The following SLIT2 variants were observed in gnomAD, a reference collection of about 807,000 sequenced individuals.
SLIT2 encodes slit guidance ligand 2, also known as slit homolog 2 protein.
SLIT2 carries 41 observed loss-of-function variants against 185.7 expected under a neutral mutation model. That is an observed-to-expected ratio of 0.22 (90% CI 0.17 to 0.29). The LOEUF is 0.29. Among genes scored for constraint, SLIT2 ranks in the 10% least tolerant of loss-of-function variants. The pLI, the probability that SLIT2 is intolerant of heterozygous loss-of-function variation, is 1.00. For synonymous variants in SLIT2, 693 were observed against 680.2 expected (o/e 1.02, Z -0.29); for missense variants, 1,571 against 1,909.0 (o/e 0.82, Z 3.30).
In SLIT2 at chr4:20,405,369, C is replaced by A. The variant is rs1039609402; in HGVS notation, c.396-62383C>A. On this transcript the variant is annotated intron_variant, in intron 4 of 36. Transcript: ENST00000504154. ...TTGTCTAATTGGATTTCTTAGAATT[C>A]TCAGAAAGTTTTGAAATCTAGGAAA... Among the ~76,000 whole-genome samples, 4 of 151,794 alleles carry A rather than the reference C, an allele frequency of 2.6e-5. No homozygotes were observed. In the East Asian group the frequency reaches 7.7e-4, roughly 29 times the overall value.
intron 4 of SLIT2, among the ~76,000 whole-genome samples, chr4:20,420,790 A>G (rs1315490500): frequency 6.6e-6 from 1 of 152,040 alleles, no homozygotes; most frequent in Non-Finnish European, 1.5e-5. Context: ...AGATGAGGTA[A>G]TGGGCCAGGG....
Position 20,415,284 on chromosome 4 carries a change from G to A in SLIT2, c.396-52468G>A, listed in dbSNP as rs192730663. 5.9e-3 allele frequency among the ~76,000 whole-genome samples: 890 copies of A among 151,942 alleles called. 5 individuals carry two copies. Among genetic ancestry groups the A allele is most frequent in the Non-Finnish European group, 8.9e-3 (607 of 67,914 alleles). ...AAATTAGCTGGGCGTGGTGGCGGGC[G>A]CCTGTAGTCCCAGCTACTCAGGAGG... On this transcript the variant is annotated intron_variant, in intron 4 of 36. Transcript: ENST00000504154.
At chr4:20,418,380 TG>T (rs1296841367) in intron 4 of SLIT2, among the ~76,000 whole-genome samples, 2 of 152,224 alleles carry the variant, frequency 1.3e-5, no homozygotes, top group African/African-American at 4.8e-5. Flanking sequence ...TGTCATTTTA[TG>T]AAGGTATCTA....
chr4:20,569,265 G>C (rs763162155), intron 29 of SLIT2: 8 of 401,798 alleles, frequency 2.0e-5, no homozygotes, highest in East Asian at 2.0e-4. Context: ...TTTTGCTAAA[G>C]CTTTTAGTCC....
At chr4:20,605,996 A>G (rs773769174) in intron 33 of SLIT2, among the ~76,000 whole-genome samples, 1 of 151,806 alleles carries the variant, frequency 6.6e-6, no homozygotes, top group Non-Finnish European at 1.5e-5. Context: ...CAATCCGCCC[A>G]TCTTGGCCTC....
intron 4 of SLIT2, among the ~76,000 whole-genome samples, chr4:20,357,306 T>C (rs979885926): frequency 6.6e-6 from 1 of 152,178 alleles, no homozygotes; most frequent in Non-Finnish European, 1.5e-5. Context: ...ACTTTTTTCC[T>C]TGGTTAAATT....
At chr4:20,404,874 A>G (rs1279885312) in intron 4 of SLIT2, among the ~76,000 whole-genome samples, 1 of 152,064 alleles carries the variant, frequency 6.6e-6, no homozygotes, top group Admixed American at 6.6e-5. Flanking sequence ...GTATGAGTCC[A>G]GATGACTAGA....
Position 20,283,120 on chromosome 4 carries a change from G to GCGCGCGCACA in SLIT2, c.395+14240_395+14241insGCGCGCACAC, listed in dbSNP as rs143964894. Reference sequence around the variant, plus strand: ...TGCCTGTGTGCCTGTGTGCGCGCGCGCACACACACACACACACACACACAA... The same window carrying GCGCGCGCACA: ...TGCCTGTGTGCCTGTGTGCGCGCGCGCGCGCGCACACACACACACACACACACACACACAA... On this transcript the variant is annotated intron_variant, in intron 4 of 36. Transcript: ENST00000504154. Among the ~76,000 whole-genome samples the GCGCGCGCACA allele has an allele frequency of 5.2e-3, 776 of 149,950 alleles. 4 individuals carry two copies. Among genetic ancestry groups the GCGCGCGCACA allele is most frequent in the African/African-American group, 7.3e-3 (300 of 41,128 alleles).
At chr4:20,594,418 G>A (rs1302041589) in intron 30 of SLIT2, among the ~76,000 whole-genome samples, 1 of 151,736 alleles carries the variant, frequency 6.6e-6, no homozygotes, top group Non-Finnish European at 1.5e-5. Context: ...TATATATAAA[G>A]TCAGTGAACC....
intron 4 of SLIT2, among the ~76,000 whole-genome samples, chr4:20,449,659 G>T (rs1017256274): frequency 6.6e-6 from 1 of 151,904 alleles, no homozygotes; most frequent in Non-Finnish European, 1.5e-5. Context: ...CACCCACCTC[G>T]GCCTCTCAAA....
chr4:20,602,058 T>C (rs1436930717), intron 33 of SLIT2, among the ~76,000 whole-genome samples: 1 of 152,190 alleles, frequency 6.6e-6, no homozygotes, highest in East Asian at 1.9e-4. Flanking sequence ...AATAATACAC[T>C]TATTAATTCT....
chr4:20,393,013 T>C (rs1490357848), intron 4 of SLIT2, among the ~76,000 whole-genome samples: 1 of 152,046 alleles, frequency 6.6e-6, no homozygotes, highest in East Asian at 1.9e-4. Flanking sequence ...GTGCTAGATT[T>C]TTATATCACT....
intron 18 of SLIT2, among the ~76,000 whole-genome samples, chr4:20,534,574 A>T (rs1274575884): frequency 1.3e-5 from 2 of 152,168 alleles, no homozygotes; most frequent in African/African-American, 4.8e-5. Context: ...TAAAAATTGG[A>T]AGAAAGACAA....
chr4:20,347,211 A>G (rs1310549090), intron 4 of SLIT2, among the ~76,000 whole-genome samples: 2 of 152,204 alleles, frequency 1.3e-5, no homozygotes, highest in African/African-American at 2.4e-5. Context: ...TAGAGCACTG[A>G]GGGATTGTTT....
intron 30 of SLIT2, among the ~76,000 whole-genome samples, chr4:20,593,893 G>C (rs1294068134): frequency 2.7e-5 from 4 of 149,270 alleles, no homozygotes; most frequent in East Asian, 4.0e-4. Flanking sequence ...CTAAGTTATA[G>C]TTTTCTCATA....
In SLIT2 at chr4:20,253,766, A is replaced by T; in HGVS notation, c.-50A>T. 1 of 1,585,676 alleles carries T rather than the reference A, an allele frequency of 6.3e-7. No individual in the cohort carries two copies. The highest frequency in any genetic ancestry group is 1.1e-5 in the South Asian group (1 of 89,242). ...CACTGCGCGGTTCCCTCGGAGCAGC[A>T]AGCTAAAGAAAGCCCCCAGTGCCGG... On this transcript the variant is annotated 5_prime_UTR_variant, in exon 1 of 37. Transcript: ENST00000504154.
intron 5 of SLIT2, among the ~76,000 whole-genome samples, chr4:20,477,811 GAA>G (rs1716277521): frequency 6.6e-6 from 1 of 152,120 alleles, no homozygotes; most frequent in Non-Finnish European, 1.5e-5. Flanking sequence ...TTGAAGAAGT[GAA>G]AAAGTCTCCT....
At chr4:20,447,228 C>T (rs748371638) in intron 4 of SLIT2, among the ~76,000 whole-genome samples, 1 of 152,230 alleles carries the variant, frequency 6.6e-6, no homozygotes, top group Middle Eastern at 3.2e-3. Flanking sequence ...TTGGCAACAA[C>T]TTTCAAGCCT....
chr4:20,476,732 G>A (rs1716148372), intron 5 of SLIT2, among the ~76,000 whole-genome samples: 1 of 152,094 alleles, frequency 6.6e-6, no homozygotes, highest in African/African-American at 2.4e-5. Context: ...ATTAACCTAA[G>A]TGTTGTATAT....
Sources: allele counts gnomAD v4.1 joint callset (sites outside exome capture counted in the v4.1 genomes callset), GRCh38; gene constraint gnomAD v4.1.1; transcripts MANE v1.5; gene names NCBI Gene and HGNC (gene_info 2026-07-23, HGNC 2026-07-21).